NARS2: variants seen among roughly 807,000 people sequenced by gnomAD.
The protein encoded by NARS2 is asparaginyl-tRNA synthetase.
In NARS2, 60 loss-of-function variants were observed where a neutral mutation model predicts 62.9. The observed-to-expected ratio is 0.95, with a 90% confidence interval of 0.77 to 1.18. NARS2 has a LOEUF of 1.18. NARS2 is among the 50% of genes most tolerant of loss of function. NARS2 has a pLI of 0.00. For synonymous variants in NARS2, 196 were observed against 200.0 expected, an observed-to-expected ratio of 0.98 and a Z score of 0.17; for missense variants, 619 against 576.4, an observed-to-expected ratio of 1.07 and a Z score of -0.76.
intron 11 of NARS2, among the ~76,000 whole-genome samples, chr11:78,464,198 CGGTGGGCT>C (rs1858516505): frequency 6.6e-6 from 1 of 151,742 alleles, no homozygotes; most frequent in Non-Finnish European, 1.5e-5. Flanking sequence ...TCATTCCTCC[CGGTGGGCT>C]CGTGGGCTCG....
At chr11:78,439,966 A>G (rs917295356) in intron 13 of NARS2, among the ~76,000 whole-genome samples, 1 of 152,252 alleles carries the variant, frequency 6.6e-6, no homozygotes, top group Middle Eastern at 3.2e-3. Flanking sequence ...TTGGATTTCT[A>G]TAGTTCGTGG....
At chr11:78,446,684 A>C (rs756138106) in intron 11 of NARS2, among the ~76,000 whole-genome samples, 10 of 152,146 alleles carry the variant, frequency 6.6e-5, no homozygotes, top group Non-Finnish European at 1.2e-4. Context: ...TTAGCTCTAA[A>C]ATTAACTCAA....
chr11:78,561,918 C>G (rs1017656426), intron 4 of NARS2, among the ~76,000 whole-genome samples: 2 of 151,872 alleles, frequency 1.3e-5, no homozygotes, highest in Non-Finnish European at 2.9e-5. Flanking sequence ...AAAATTAGCC[C>G]GGTGTGGTAG....
At chr11:78,476,045 G>C (rs956056947) in intron 9 of NARS2, among the ~76,000 whole-genome samples, 1 of 152,218 alleles carries the variant, frequency 6.6e-6, no homozygotes, top group Non-Finnish European at 1.5e-5. Flanking sequence ...AAACATTTGT[G>C]ATGTCTGCCT....
chr11:78,492,935 TTTA>T, intron 7 of NARS2, 125 bp downstream of exon 7: 1 of 741,792 alleles, frequency 1.3e-6, no homozygotes, highest in East Asian at 2.6e-5. Flanking sequence ...TCAATAAGTG[TTTA>T]TTAAGTAGTT....
At chr11:78,522,119 ATTT>A (rs59159824) in intron 6 of NARS2, among the ~76,000 whole-genome samples, 3 of 134,946 alleles carry the variant, frequency 2.2e-5, no homozygotes, top group Admixed American at 7.5e-5. Flanking sequence ...CATCCAGCTA[ATTT>A]TTTTTTTTTT....
At chr11:78,499,382 C>T (rs752741147) in intron 6 of NARS2, among the ~76,000 whole-genome samples, 4 of 152,134 alleles carry the variant, frequency 2.6e-5, no homozygotes, top group Non-Finnish European at 5.9e-5. Flanking sequence ...CCTCCTGCCT[C>T]AGGCTTCCAA....
intron 6 of NARS2, among the ~76,000 whole-genome samples, chr11:78,515,868 A>G (rs1367042736): frequency 6.6e-6 from 1 of 152,194 alleles, no homozygotes; most frequent in Admixed American, 6.5e-5. Flanking sequence ...TATGTGAATT[A>G]TATCTCAATA....
At position 78,540,708 on chromosome 11, in the gene NARS2, T is replaced by C. The variant is rs537696886; in HGVS notation, c.595-11772A>G. Among the ~76,000 whole-genome samples, 164 of 152,314 alleles carry C rather than the reference T, an allele frequency of 1.1e-3. 1 individual carries two copies. The South Asian group carries it at 0.011, about 10-fold the overall frequency. ...CATGCTATTGTCCTGTTTACCTCAA[T>C]CTGCAATTTCCTTTGAAGATCATGA... On this transcript the variant is annotated intron_variant, in intron 5 of 13. Coordinates refer to ENST00000281038, the MANE Select transcript of NARS2 (RefSeq NM_024678.6).
intron 6 of NARS2, among the ~76,000 whole-genome samples, chr11:78,518,706 A>T (rs184550269): frequency 1.5e-3 from 232 of 152,040 alleles, no homozygotes; most frequent in African/African-American, 5.3e-3. Flanking sequence ...TTGAGTAGAG[A>T]TGGGATTTCA....
At chr11:78,483,220 G>C (rs183939645) in intron 7 of NARS2, among the ~76,000 whole-genome samples, 25 of 152,178 alleles carry the variant, frequency 1.6e-4, no homozygotes, top group African/African-American at 6.0e-4. Context: ...CAATAAACTA[G>C]GTATTGATGA....
At chr11:78,558,976 G>C (rs1056802745) in intron 5 of NARS2, among the ~76,000 whole-genome samples, 2 of 152,072 alleles carry the variant, frequency 1.3e-5, no homozygotes, top group Non-Finnish European at 2.9e-5. Context: ...GCAATTCACA[G>C]TAACTTAAGA....
chr11:78,506,152 A>G (rs1340245003), intron 6 of NARS2, among the ~76,000 whole-genome samples: 1 of 152,236 alleles, frequency 6.6e-6, no homozygotes, highest in African/African-American at 2.4e-5. Context: ...CCACAATGAC[A>G]TATCCTATAC....
At chr11:78,481,002 G>T (rs572792448) in intron 7 of NARS2, among the ~76,000 whole-genome samples, 1 of 151,914 alleles carries the variant, frequency 6.6e-6, no homozygotes, top group African/African-American at 2.4e-5. Flanking sequence ...TAATTTTTTT[G>T]TAGAGACAGG....
At chr11:78,530,368 T>C (rs1387395172) in intron 5 of NARS2, among the ~76,000 whole-genome samples, 7 of 152,184 alleles carry the variant, frequency 4.6e-5, no homozygotes, top group African/African-American at 1.7e-4. Flanking sequence ...CTTTCTCCTT[T>C]CCTTCACCAC....
At chr11:78,540,395 G>A (rs1275076582) in intron 5 of NARS2, among the ~76,000 whole-genome samples, 2 of 152,184 alleles carry the variant, frequency 1.3e-5, no homozygotes, top group Non-Finnish European at 2.9e-5. Context: ...ACACAAGTCC[G>A]ACTCTGTCTC....
chr11:78,528,431 T>C (rs561232736), intron 6 of NARS2, among the ~76,000 whole-genome samples: 1 of 152,218 alleles, frequency 6.6e-6, no homozygotes, highest in Non-Finnish European at 1.5e-5. Flanking sequence ...TCTCAAAATG[T>C]AGGTATGAGT....
chr11:78,456,535 C>T (rs1048573326), intron 11 of NARS2, among the ~76,000 whole-genome samples: 7 of 152,314 alleles, frequency 4.6e-5, no homozygotes, highest in African/African-American at 1.7e-4. Flanking sequence ...TAATTAGCCA[C>T]AGCTCTGGGA....
intron 5 of NARS2, among the ~76,000 whole-genome samples, chr11:78,552,615 C>T (rs1236936727): frequency 2.0e-5 from 3 of 152,180 alleles, no homozygotes; most frequent in African/African-American, 7.2e-5. Context: ...TATTTGATTG[C>T]CTCCTTTGGT....
Sources: allele counts gnomAD v4.1 joint callset (sites outside exome capture counted in the v4.1 genomes callset), GRCh38; gene constraint gnomAD v4.1.1; transcripts MANE v1.5; gene names NCBI Gene and HGNC (gene_info 2026-07-23, HGNC 2026-07-21).